ROBO2: variants seen among roughly 807,000 people sequenced by gnomAD.
ROBO2 encodes roundabout guidance receptor 2.
A neutral mutation model predicts 160.8 loss-of-function variants in ROBO2; 53 were observed. The ratio of observed to expected loss-of-function variants is 0.33; its 90% CI spans 0.26 to 0.41. The LOEUF (loss-of-function observed/expected upper bound fraction) is 0.41. Ranked by LOEUF, ROBO2 falls within the 10% of genes least tolerant of loss-of-function variation. ROBO2 has a pLI of 1.00. For synonymous variants in ROBO2, 664 were observed against 611.7 expected, an observed-to-expected ratio of 1.09 and a Z score of -1.26; for missense variants, 1,577 against 1,722.4, an observed-to-expected ratio of 0.92 and a Z score of 1.49.
At chr3:76,750,024 T>A (rs149382186) in intron 2 of ROBO2, among the ~76,000 whole-genome samples, 5 of 152,086 alleles carry the variant, frequency 3.3e-5, no homozygotes, top group Non-Finnish European at 7.4e-5. Context: ...ATATCCCTGA[T>A]GAACATTGAT....
chr3:76,584,044 T>TC (rs1453916590), intron 2 of ROBO2, among the ~76,000 whole-genome samples: 2 of 152,132 alleles, frequency 1.3e-5, no homozygotes, highest in Non-Finnish European at 2.9e-5. Flanking sequence ...CAAACTCTCC[T>TC]CCTTGCTTCT....
intron 2 of ROBO2, among the ~76,000 whole-genome samples, chr3:76,861,038 C>T (rs1436320776): frequency 6.6e-6 from 1 of 152,160 alleles, no homozygotes; most frequent in Non-Finnish European, 1.5e-5. Context: ...TCCAAAATTT[C>T]CATCCAGTCA....
At chr3:76,008,208 C>T (rs1429957605) in intron 2 of ROBO2, among the ~76,000 whole-genome samples, 1 of 117,212 alleles carries the variant, frequency 8.5e-6, no homozygotes, top group Non-Finnish European at 1.6e-5. Flanking sequence ...GCACTCCAGA[C>T]TGAGTGACAG....
At chr3:76,044,359 G>T (rs1228938814) in intron 2 of ROBO2, among the ~76,000 whole-genome samples, 2 of 151,968 alleles carry the variant, frequency 1.3e-5, no homozygotes, top group African/African-American at 4.8e-5. Flanking sequence ...AAGCAATGTT[G>T]AATAAAGAGT....
intron 2 of ROBO2, among the ~76,000 whole-genome samples, chr3:76,974,286 C>T (rs574795944): frequency 1.6e-4 from 24 of 152,182 alleles, no homozygotes; most frequent in South Asian, 1.5e-3. Context: ...ATTTTGTTAG[C>T]CTTTTAATCC....
At chr3:77,605,817 A>T (rs1036438193) in intron 20 of ROBO2, among the ~76,000 whole-genome samples, 4 of 152,192 alleles carry the variant, frequency 2.6e-5, no homozygotes, top group African/African-American at 9.7e-5. Flanking sequence ...TCTGTTACTC[A>T]GTTCTGGTGG....
In ROBO2 at chr3:77,296,281, A is replaced by G. The variant is rs1047753637; in HGVS notation, c.389-181133A>G. ...ATGGTTAAACGGGTAAGCTGAGGCT[A>G]GATCACCCCAGACATAAAGTAAAAT... On this transcript the variant is annotated intron_variant, in intron 2 of 25. Coordinates refer to ENST00000461745, the Ensembl canonical transcript of ROBO2. Among the ~76,000 whole-genome samples the G allele has an allele frequency of 3.3e-5, 5 of 152,170 alleles. No homozygotes were observed. The East Asian group carries it at 5.8e-4, about 18-fold the overall frequency.
chr3:76,290,485 A>ATC (rs1708748946), intron 2 of ROBO2, among the ~76,000 whole-genome samples: 1 of 152,056 alleles, frequency 6.6e-6, no homozygotes, highest in South Asian at 2.1e-4. Flanking sequence ...GTTTGACTTC[A>ATC]TCTCTTCTTA....
At chr3:76,811,835 TTCTTTCCTTCCTTCCTTCCTTCCTTCC>T (rs2065205360) in intron 2 of ROBO2, among the ~76,000 whole-genome samples, 7 of 45,462 alleles carry the variant, frequency 1.5e-4, no homozygotes, top group African/African-American at 4.8e-4. Context: ...CCTTCCTTCC[TTCTTTCCTTCCTTCCTTCCTTCCTTCC>T]TTCCTTCCTT....
At chr3:77,011,627 A>G (rs2061927592) in intron 2 of ROBO2, among the ~76,000 whole-genome samples, 1 of 152,034 alleles carries the variant, frequency 6.6e-6, no homozygotes, top group African/African-American at 2.4e-5. Flanking sequence ...AACCCTCTGC[A>G]AAAGGCCTCA....
intron 2 of ROBO2, among the ~76,000 whole-genome samples, chr3:76,957,784 C>T (rs1490327472): frequency 1.3e-5 from 2 of 149,274 alleles, no homozygotes; most frequent in South Asian, 2.1e-4. Context: ...TGAGCCAAGA[C>T]TGCGCCACTG....
rs562101845 is a variant in ROBO2, at chr3:77,556,667, A to C, written c.1232-1277A>C. ...GGCAAAGGAAATTTGAACGTTAAGCAAACTGTTTTCAATTGTATACATTGC... is the reference window on the plus strand; with the variant it reads ...GGCAAAGGAAATTTGAACGTTAAGCCAACTGTTTTCAATTGTATACATTGC... On this transcript the variant is annotated intron_variant, in intron 8 of 25. Coordinates refer to ENST00000461745, the Ensembl canonical transcript of ROBO2. 2.0e-5 allele frequency among the ~76,000 whole-genome samples: 3 copies of C among 152,100 alleles called. No homozygotes were observed. The East Asian group carries it at 5.8e-4, about 29-fold the overall frequency.
intron 2 of ROBO2, among the ~76,000 whole-genome samples, chr3:77,433,432 G>A (rs573714756): frequency 1.4e-5 from 2 of 144,262 alleles, no homozygotes; most frequent in East Asian, 4.2e-4. Context: ...TAGGGACCAT[G>A]CAGGGTGCTA....
intron 2 of ROBO2, among the ~76,000 whole-genome samples, chr3:76,020,432 C>T (rs1286067010): frequency 6.6e-6 from 1 of 151,656 alleles, no homozygotes; most frequent in Non-Finnish European, 1.5e-5. Context: ...TGCTTCATCG[C>T]TTTTACTTTT....
At chr3:76,210,841 G>A (rs1248852907) in intron 2 of ROBO2, among the ~76,000 whole-genome samples, 1 of 151,968 alleles carries the variant, frequency 6.6e-6, no homozygotes, top group Non-Finnish European at 1.5e-5. Context: ...TTCAGGGTTA[G>A]CCCTAGATGA....
chr3:77,546,516 G>T, intron 7 of ROBO2, 54 bp downstream of exon 8: 1 of 1,605,844 alleles, frequency 6.2e-7, no homozygotes, highest in Non-Finnish European at 8.5e-7. Flanking sequence ...TACTGTCTCT[G>T]CTGCTCCTGA....
At chr3:77,626,860 G>T (rs1233036983) in intron 23 of ROBO2, among the ~76,000 whole-genome samples, 2 of 152,096 alleles carry the variant, frequency 1.3e-5, no homozygotes, top group African/African-American at 4.8e-5. Flanking sequence ...TATATTTTGT[G>T]TTACGTTTTT....
At chr3:76,848,041 G>T (rs1482419026) in intron 2 of ROBO2, among the ~76,000 whole-genome samples, 1 of 152,062 alleles carries the variant, frequency 6.6e-6, no homozygotes, top group Non-Finnish European at 1.5e-5. Context: ...GAAACTACCA[G>T]TTTATGTCAT....
intron 2 of ROBO2, among the ~76,000 whole-genome samples, chr3:77,314,318 ACATG>A (rs2063787575): frequency 6.6e-6 from 1 of 152,198 alleles, no homozygotes; most frequent in Admixed American, 6.5e-5. Context: ...TACTTAGTCT[ACATG>A]CTGACTTAAC....
Sources: gnomAD v4.1 joint callset for allele counts (sites outside exome capture counted in the v4.1 genomes callset) on GRCh38, gnomAD v4.1.1 for gene constraint, MANE v1.5 for transcripts, NCBI Gene and HGNC (gene_info 2026-07-23, HGNC 2026-07-21) for gene names.